The following INO80 variants were observed in gnomAD, a reference collection of about 807,000 sequenced individuals.
INO80 encodes chromatin-remodeling ATPase INO80.
Under a neutral mutation model 203.4 loss-of-function variants are expected in INO80, and 20 were observed. That is an observed-to-expected ratio of 0.10 (90% CI 0.07 to 0.14). The LOEUF (loss-of-function observed/expected upper bound fraction) is 0.14, where lower values mean the gene tolerates loss of function less well. Among genes scored for constraint, INO80 ranks in the 10% least tolerant of loss-of-function variants. The pLI, the probability that INO80 is intolerant of heterozygous loss-of-function variation, is 1.00. For synonymous variants in INO80, 726 were observed against 685.2 expected (o/e 1.06, Z -0.93); for missense variants, 1,419 against 1,914.4 (o/e 0.74, Z 4.83).
At chr15:41,014,559 T>C (rs549384818) in intron 27 of INO80, among the ~76,000 whole-genome samples, 6 of 152,346 alleles carry the variant, frequency 3.9e-5, no homozygotes, top group Middle Eastern at 6.8e-3. Flanking sequence ...ACCTCTCTTA[T>C]GGTGACTTAC....
intron 29 of INO80, among the ~76,000 whole-genome samples, chr15:40,994,479 T>C (rs1191112902): frequency 6.6e-6 from 1 of 152,090 alleles, no homozygotes; most frequent in East Asian, 1.9e-4. Context: ...TTCTCCTGCC[T>C]CAGCCTCCCG....
intron 23 of INO80, among the ~76,000 whole-genome samples, chr15:41,045,485 C>T (rs4923894): frequency 0.88 from 133,345 of 150,742 alleles, 60,882 homozygotes; most frequent in East Asian, 1. Flanking sequence ...GGGAGGCTGA[C>T]GCATGAGAAT....
intron 27 of INO80, among the ~76,000 whole-genome samples, chr15:41,009,762 A>G (rs1183581539): frequency 6.6e-6 from 1 of 151,700 alleles, no homozygotes; most frequent in African/African-American, 2.4e-5. Flanking sequence ...TAATTTTTAA[A>G]TTTAAATTTA....
Position 41,085,969 on chromosome 15 carries a change from C to T in INO80, c.659-386G>A, listed in dbSNP as rs778582148. Among the ~76,000 whole-genome samples the T allele has an allele frequency of 2.6e-4, 40 of 152,164 alleles. 1 individual carries two copies. Among genetic ancestry groups the T allele is most frequent in the Non-Finnish European group, 8.8e-5 (6 of 68,026 alleles). On this transcript the variant is annotated intron_variant, in intron 6 of 35. Transcript: ENST00000648947. ...CCACCTCCCAGGTTCAAGCGATTCTCCCGCTTCAGCCTCCCGAGTAGCTGG... is the reference window on the plus strand; with the variant it reads ...CCACCTCCCAGGTTCAAGCGATTCTTCCGCTTCAGCCTCCCGAGTAGCTGG...
At chr15:41,034,333 C>G (rs1403029474) in intron 24 of INO80, among the ~76,000 whole-genome samples, 1 of 152,106 alleles carries the variant, frequency 6.6e-6, no homozygotes, top group Non-Finnish European at 1.5e-5. Flanking sequence ...TCATTCCTTT[C>G]CCTGGGGAGT....
At chr15:41,024,000 G>C (rs1035898837) in intron 25 of INO80, among the ~76,000 whole-genome samples, 7 of 152,048 alleles carry the variant, frequency 4.6e-5, no homozygotes, top group Non-Finnish European at 1.0e-4. Context: ...TGAAAGAACA[G>C]AGAAACAGGA....
At chr15:41,011,019 C>T (rs760031141) in intron 27 of INO80, among the ~76,000 whole-genome samples, 2 of 152,206 alleles carry the variant, frequency 1.3e-5, no homozygotes, top group Non-Finnish European at 2.9e-5. Flanking sequence ...TAATACAGAG[C>T]CCTTTGGAGC....
chr15:41,048,935 T>C (rs1202871111), intron 21 of INO80, among the ~76,000 whole-genome samples: 1 of 152,208 alleles, frequency 6.6e-6, no homozygotes, highest in African/African-American at 2.4e-5. Flanking sequence ...TAACTTACAA[T>C]ACAATCAGTT....
rs1893744676 is a variant in INO80, at chr15:40,979,733, CCTGGGG to C, written c.*484_*489del. 5.8e-6 allele frequency: 1 copy of C among 171,976 alleles called. No individual in the cohort carries two copies. The highest frequency in any genetic ancestry group is 1.4e-4 in the South Asian group (1 of 7,152). The allele number at this position is 171,976 out of a possible 1,614,324, so 10.7% of individuals were successfully genotyped here. ...ATGATGACACTCTGGGGTTCAGAGACCTGGGGAGCTGCCTGAAGACTGTGGACAACA... is the reference window on the plus strand; with the variant it reads ...ATGATGACACTCTGGGGTTCAGAGACAGCTGCCTGAAGACTGTGGACAACA... On this transcript the variant is annotated 3_prime_UTR_variant, in exon 36 of 36. Transcript: ENST00000648947.
At chr15:41,079,026 C>CT (rs1466595184) in intron 9 of INO80, among the ~76,000 whole-genome samples, 53 of 152,142 alleles carry the variant, frequency 3.5e-4, no homozygotes, top group Non-Finnish European at 6.3e-4. Flanking sequence ...CCTATAGTCC[C>CT]AGCTACTCAG....
intron 21 of INO80, among the ~76,000 whole-genome samples, chr15:41,048,513 A>C (rs2140527351): frequency 6.6e-6 from 1 of 152,322 alleles, no homozygotes; most frequent in South Asian, 2.1e-4. Flanking sequence ...TATTTCAGAG[A>C]ATCACAATTC....
chr15:40,985,717 C>T (rs879387242), intron 31 of INO80, among the ~76,000 whole-genome samples: 9 of 151,890 alleles, frequency 5.9e-5, no homozygotes, highest in South Asian at 2.1e-4. Context: ...TGAGACCAGC[C>T]GGGCCAACAT....
intron 4 of INO80, among the ~76,000 whole-genome samples, chr15:41,094,934 T>A (rs2045699049): frequency 6.6e-6 from 1 of 152,094 alleles, no homozygotes; most frequent in South Asian, 2.1e-4. Flanking sequence ...TATAATTACC[T>A]TCAGACTATG....
intron 1 of INO80, among the ~76,000 whole-genome samples, chr15:41,102,268 C>T (rs2045821139): frequency 1.3e-5 from 2 of 152,176 alleles, no homozygotes; most frequent in African/African-American, 4.8e-5. Context: ...AAAGTACATA[C>T]TGTGTAAGTT....
chr15:41,093,697 A>C lies in INO80; in HGVS notation c.382-1515T>G, dbSNP rs376274341. ...TGGGCAACATGGTGAAACCCCCAAA[A>C]ATTAGTTGAACGTGGTGGTGCGGGC... On this transcript the variant is annotated intron_variant, in intron 4 of 35. Coordinates refer to ENST00000648947, the MANE Select transcript of INO80 (RefSeq NM_017553.3). 2.9e-4 allele frequency among the ~76,000 whole-genome samples: 44 copies of C among 151,868 alleles called. 1 individual carries two copies. The East Asian group carries it at 2.9e-3, about 10-fold the overall frequency.
intron 24 of INO80, among the ~76,000 whole-genome samples, chr15:41,032,477 A>G (rs1032681421): frequency 6.6e-6 from 1 of 152,202 alleles, no homozygotes; most frequent in Non-Finnish European, 1.5e-5. Flanking sequence ...CGATCTCAGG[A>G]AATGATGATA....
chr15:41,073,331 G>T, intron 11 of INO80, 97 bp downstream of exon 11: 1 of 1,020,288 alleles, frequency 9.8e-7, no homozygotes, highest in Non-Finnish European at 1.6e-6. Context: ...GCTTTTAATT[G>T]CAAATGTGAT....
At chr15:41,015,531 A>ATGTAAGGGGTG (rs1351048787) in intron 27 of INO80, among the ~76,000 whole-genome samples, 1 of 152,070 alleles carries the variant, frequency 6.6e-6, no homozygotes, top group Non-Finnish European at 1.5e-5. Flanking sequence ...TAGTAAAAGG[A>ATGTAAGGGGTG]TGTAAGGGGT....
chr15:41,011,067 T>G (rs1333764753), intron 27 of INO80, among the ~76,000 whole-genome samples: 1 of 152,232 alleles, frequency 6.6e-6, no homozygotes, highest in Non-Finnish European at 1.5e-5. Context: ...CAAAATAATC[T>G]GACTTCAACC....
Sources: allele counts gnomAD v4.1 joint callset (sites outside exome capture counted in the v4.1 genomes callset), GRCh38; gene constraint gnomAD v4.1.1; transcripts MANE v1.5; gene names NCBI Gene and HGNC (gene_info 2026-07-23, HGNC 2026-07-21).